Variants in MAP3K4 observed in about 807,000 individuals in gnomAD.
MAP3K4 encodes the protein MAP three kinase 1.
A neutral mutation model predicts 185.6 loss-of-function variants in MAP3K4; 67 were observed. The observed-to-expected ratio is 0.36, with a 90% confidence interval of 0.30 to 0.44. The LOEUF (loss-of-function observed/expected upper bound fraction) is 0.44, where lower values mean the gene tolerates loss of function less well. MAP3K4 is among the 20% of genes least tolerant of loss of function. The probability of loss-of-function intolerance (pLI) is 1.00; values close to 1 mark genes in which losing one functional copy is unlikely to be tolerated. For missense variants in MAP3K4, 1,551 were observed against 1,995.1 expected (o/e 0.78, Z 4.24); for synonymous variants, 702 against 710.4 (o/e 0.99, Z 0.19).
chr6:161,073,432 A>G lies in MAP3K4; in HGVS notation c.1951-34A>G. On this transcript the variant is annotated intron_variant, in intron 4 of 26. Transcript: ENST00000392142. The surrounding 1 kb of genome is among the most constrained non-coding windows in gnomAD (Gnocchi z 4.2). ...AACACGGATCGTCTGGTTGGAGTTT[A>G]TGGCTGCTGGAACCTGTGTGTGTTG... The G allele has an allele frequency of 2.6e-6, 4 of 1,535,286 alleles. No homozygotes were observed. Among genetic ancestry groups the G allele is most frequent in the Non-Finnish European group, 2.6e-6 (3 of 1,140,046 alleles).
chr6:161,101,817 C>T lies in MAP3K4; in HGVS notation c.3675-75C>T. 4 of 1,273,052 alleles carry T rather than the reference C, an allele frequency of 3.1e-6. No individual in the cohort carries two copies. 78.9% of individuals were successfully genotyped at this position (1,273,052 alleles called of 1,614,324 possible). A position where few individuals can be genotyped will look rare whatever the true frequency, so the allele number is the denominator to read the frequency against. ...TTGCCCCCAGTTGAGAATTATTGCT[C>T]TAGAAAAATCTCGCAGATCTTTCAT... On this transcript the variant is annotated intron_variant, in intron 17 of 26. Transcript: ENST00000392142. This position sits in a 1 kb window ranked among gnomAD's most constrained non-coding sequence, Gnocchi z 5.1.
chr6:161,031,778 C>G (rs1382332623), intron 1 of MAP3K4, among the ~76,000 whole-genome samples: 1 of 152,112 alleles, frequency 6.6e-6, no homozygotes, highest in African/African-American at 2.4e-5. Context: ...GAATGTAGAC[C>G]TTTAAAATTC....
rs141431421 is a variant in MAP3K4, at chr6:161,061,614, C to G, written c.1708-8994C>G. Among the ~76,000 whole-genome samples, 168 of 152,320 alleles carry G rather than the reference C, an allele frequency of 1.1e-3. No homozygotes were observed. The highest frequency in any genetic ancestry group is 3.9e-3 in the African/African-American group (162 of 41,576). On this transcript the variant is annotated intron_variant, in intron 3 of 26. Coordinates refer to ENST00000392142, the MANE Select transcript of MAP3K4 (RefSeq NM_005922.4). The surrounding 1 kb of genome is among the most constrained non-coding windows in gnomAD (Gnocchi z 4.2). The stretch of plus-strand genomic sequence containing the variant: ...GTCCTGTACCCTTTAGCTGTCACCT[C>G]CACAATTCCTGTGCTCACTAGCCCT...
intron 2 of MAP3K4, among the ~76,000 whole-genome samples, chr6:161,038,768 T>A (rs1451834077): frequency 1.3e-5 from 2 of 152,224 alleles, no homozygotes; most frequent in Non-Finnish European, 2.9e-5. Flanking sequence ...CATCCTGGCT[T>A]GGCTGGGGCC....
In MAP3K4 at chr6:161,064,551, G is replaced by C. The variant is rs1784618864; in HGVS notation, c.1708-6057G>C. 6.6e-6 allele frequency among the ~76,000 whole-genome samples: 1 copy of C among 152,032 alleles called. No individual in the cohort carries two copies. Among genetic ancestry groups the C allele is most frequent in the South Asian group, 2.1e-4 (1 of 4,818 alleles). ...GCTTATTCTATTTTAAATAGAGTAG[G>C]CTTATTAGTAAGGTTTGGTATCTTG... On this transcript the variant is annotated intron_variant, in intron 3 of 26. Coordinates refer to ENST00000392142, the MANE Select transcript of MAP3K4 (RefSeq NM_005922.4). This position sits in a 1 kb window ranked among gnomAD's most constrained non-coding sequence, Gnocchi z 4.3.
At chr6:161,069,227 A>G (rs3757021) in intron 3 of MAP3K4, among the ~76,000 whole-genome samples, 1 of 151,920 alleles carries the variant, frequency 6.6e-6, no homozygotes, top group Non-Finnish European at 1.5e-5. Context: ...ATTTTTGGAC[A>G]TTGGTTGTTT....
Position 161,101,946 on chromosome 6 carries a change from G to A in MAP3K4, c.3729G>A (p.Gln1243=), listed in dbSNP as rs781728287. 1 of 1,614,172 alleles carries A rather than the reference G, an allele frequency of 6.2e-7. No homozygotes were observed. Among genetic ancestry groups the A allele is most frequent in the Admixed American group, 1.7e-5 (1 of 60,014 alleles). The change falls in exon 18 of 27, where the codon CAG becomes CAA. Residue 1243 remains glutamine, a synonymous_variant. Coordinates refer to ENST00000392142, the MANE Select transcript of MAP3K4 (RefSeq NM_005922.4). The surrounding 1 kb of genome is among the most constrained non-coding windows in gnomAD (Gnocchi z 5.1). ...TGGCTTCCATAGCTGCTGAATTGCA[G>A]TTTAGGTCCCTGAGTCGTCACTCAA... ...DRLASIAAEL[Q]FRSLSRHSSP... is the part of the protein sequence containing the mutation.
chr6:161,086,710 T>G lies in MAP3K4; in HGVS notation c.2556+43T>G. On this transcript the variant is annotated intron_variant, in intron 9 of 26. Coordinates refer to ENST00000392142, the MANE Select transcript of MAP3K4 (RefSeq NM_005922.4). This position sits in a 1 kb window ranked among gnomAD's most constrained non-coding sequence, Gnocchi z 4.8. ...TGTGATTGAAACATTTTGCCTTTCC[T>G]TCTTTATTCTAAAACAGGCAGACTT... 2 of 1,519,878 alleles carry G rather than the reference T, an allele frequency of 1.3e-6. No individual in the cohort carries two copies. The highest frequency in any genetic ancestry group is 3.6e-5 in the Admixed American group (2 of 55,520). The allele number at this position is 1,519,878 out of a possible 1,614,324, so 94.1% of individuals were successfully genotyped here.
rs1440492339 is a variant in MAP3K4, at chr6:161,091,447, A to G, written c.3042A>G (p.Ser1014=). The G allele has an allele frequency of 2.5e-6, 4 of 1,614,054 alleles. No homozygotes were observed. The African/African-American group carries it at 5.3e-5, about 22-fold the overall frequency. Residue 1014 remains serine (S), a synonymous_variant, in exon 12 of 27, where the codon TCA becomes TCG. Transcript: ENST00000392142. This position sits in a 1 kb window ranked among gnomAD's most constrained non-coding sequence, Gnocchi z 5.5. Reference sequence around the variant, plus strand: ...ACCGCGTGGACCACATGTTCACATCAGAATTTGATGCTGAGGTTGATGAAT... The same window carrying G: ...ACCGCGTGGACCACATGTTCACATCGGAATTTGATGCTGAGGTTGATGAAT... ...AIDRVDHMFT[S]EFDAEVDESE...
chr6:160,994,419 G>A (rs1181779492), intron 1 of MAP3K4, among the ~76,000 whole-genome samples: 1 of 152,162 alleles, frequency 6.6e-6, no homozygotes, highest in African/African-American at 2.4e-5. Context: ...ACTTCACTTA[G>A]AGTAATGGCC....
chr6:161,015,105 G>A (rs1782029063), intron 1 of MAP3K4, among the ~76,000 whole-genome samples: 1 of 152,148 alleles, frequency 6.6e-6, no homozygotes, highest in African/African-American at 2.4e-5. Flanking sequence ...TTTATATGGT[G>A]TCAACAGTAT....
At chr6:161,011,434 C>T (rs75803286) in intron 1 of MAP3K4, among the ~76,000 whole-genome samples, 3,382 of 152,180 alleles carry the variant, frequency 0.022, 44 homozygotes, top group Non-Finnish European at 0.036. Context: ...GTGGCAGTCT[C>T]GTATTGGTTG....
chr6:161,089,049 A>G (rs1328139749), intron 10 of MAP3K4, among the ~76,000 whole-genome samples: 2 of 152,252 alleles, frequency 1.3e-5, no homozygotes, highest in Non-Finnish European at 2.9e-5. Context: ...CTGCACTGGC[A>G]GTACTGAACT....
At chr6:161,058,053 G>C (rs545107599) in intron 3 of MAP3K4, among the ~76,000 whole-genome samples, 1 of 152,166 alleles carries the variant, frequency 6.6e-6, no homozygotes, top group Non-Finnish European at 1.5e-5. Flanking sequence ...CTGAACACTC[G>C]CTACATGCCG....
intron 10 of MAP3K4, 38 bp from the exon 11 acceptor site, chr6:161,089,284 G>C (rs768034711): frequency 6.3e-7 from 1 of 1,599,430 alleles, no homozygotes; most frequent in East Asian, 2.2e-5. Context: ...CTAGTAACTG[G>C]GTTGGTTTTT....
In MAP3K4 at chr6:160,996,608, A is replaced by T. The variant is rs140202736; in HGVS notation, c.152+4525A>T. ...AGACTCTTTAACGTTGCCTATCAGT[A>T]GGCTACTGGTAGTGGTTTCTTTAAA... On this transcript the variant is annotated intron_variant, in intron 1 of 26. Transcript: ENST00000392142. This position sits in a 1 kb window ranked among gnomAD's most constrained non-coding sequence, Gnocchi z 4.5. Among the ~76,000 whole-genome samples, 102 of 152,322 alleles carry T rather than the reference A, an allele frequency of 6.7e-4. 1 individual carries two copies. The East Asian group carries it at 0.018, about 27-fold the overall frequency.
chr6:161,002,226 G>A (rs929012508), intron 1 of MAP3K4, among the ~76,000 whole-genome samples: 19 of 151,964 alleles, frequency 1.3e-4, no homozygotes, highest in African/African-American at 4.1e-4. Flanking sequence ...GATTGTTTAG[G>A]TTAATAGGCA....
At chr6:161,095,986 TAAAG>T (rs1215750193) in intron 15 of MAP3K4, among the ~76,000 whole-genome samples, 1 of 152,178 alleles carries the variant, frequency 6.6e-6, no homozygotes, top group African/African-American at 2.4e-5. Flanking sequence ...TTTGCTCAAT[TAAAG>T]ACTCACCAAA....
chr6:161,111,316 A>G (rs73784793), intron 23 of MAP3K4, among the ~76,000 whole-genome samples: 3,423 of 152,330 alleles, frequency 0.022, 106 homozygotes, highest in African/African-American at 0.074. Context: ...CCAAATTCTA[A>G]CTAGACTACA....
Sources: allele counts gnomAD v4.1 joint callset (sites outside exome capture counted in the v4.1 genomes callset), GRCh38; gene constraint gnomAD v4.1.1; non-coding constraint Gnocchi (gnomAD v3.1); transcripts MANE v1.5; gene names NCBI Gene and HGNC (gene_info 2026-07-23, HGNC 2026-07-21).